Variants in OBSL1 observed in about 807,000 individuals in gnomAD.
OBSL1 encodes obscurin-like protein 1.
In OBSL1, 160 loss-of-function variants were observed where a neutral mutation model predicts 172.0. The ratio of observed to expected loss-of-function variants is 0.93; its 90% confidence interval spans 0.82 to 1.06. The LOEUF (loss-of-function observed/expected upper bound fraction) is 1.06, where lower values mean the gene tolerates loss of function less well. OBSL1 is among the 50% of genes least tolerant of loss of function. The pLI, the probability that OBSL1 is intolerant of heterozygous loss-of-function variation, is 0.00. For missense variants in OBSL1, 2,681 were observed against 2,715.4 expected (o/e 0.99, Z 0.28); for synonymous variants, 1,200 against 1,196.3 (o/e 1.00, Z -0.06).
chr2:219,556,114 G>A lies in OBSL1; in HGVS notation c.4515C>T (p.His1505=). The stretch of plus-strand genomic sequence containing the variant: ...GTATGACACCATGGATGAAGAGGCG[G>A]TGGATGTGCCCATCCTGGGCCATGG... ...RLSMAQDGHI[H]RLFIHGVILA... is the part of the protein sequence containing the mutation. The change falls in exon 14 of 21, where the codon CAC becomes CAT. Residue 1505 remains histidine (H), a synonymous_variant. Transcript: ENST00000404537. 1 of 1,613,944 alleles carries A rather than the reference G, an allele frequency of 6.2e-7. No homozygotes were observed. The highest frequency in any genetic ancestry group is 8.5e-7 in the Non-Finnish European group (1 of 1,179,898).
intron 5 of OBSL1, among the ~76,000 whole-genome samples, chr2:219,566,501 A>G (rs1044789874): frequency 2.6e-5 from 4 of 152,260 alleles, no homozygotes; most frequent in African/African-American, 9.6e-5. Context: ...ATTAGACAAC[A>G]TGGCAGGAGG....
At chr2:219,554,100 C>A in intron 15 of OBSL1, 1 of 395,072 alleles carries the variant, frequency 2.5e-6, no homozygotes, top group South Asian at 3.5e-5. Context: ...GGAGTGGTCA[C>A]GGGGCCCACA....
rs1695972810 is a variant in OBSL1 at position 219,556,043 on chromosome 2, G to A, written c.4586C>T (p.Thr1529Ile). Residue 1529 changes from threonine to isoleucine, a missense_variant, in exon 14 of 21, where the codon ACC (threonine) becomes ATC (isoleucine). Thr to Ile is a moderately conservative substitution (Grantham distance 89, BLOSUM62 -1). Coordinates refer to ENST00000404537, the MANE Select transcript of OBSL1 (RefSeq NM_015311.3). ...TYGCESHHDR[T>I]LARLSVRPRQ... ...ACGCCTCACGCTGAGCCTGGCCAGG[G>A]TGCGATCGTGGTGGCTCTCGCAGCC... is the stretch of plus-strand genomic sequence containing the variant. 6.2e-7 allele frequency: 1 copy of A among 1,613,658 alleles called. No individual in the cohort carries two copies. Among genetic ancestry groups the A allele is most frequent in the East Asian group, 2.2e-5 (1 of 44,868 alleles).
rs759142046 is a variant in OBSL1, at chr2:219,557,993, C to T, written c.3620G>A (p.Ser1207Asn). The T allele has an allele frequency of 6.2e-7, 1 of 1,611,718 alleles. No homozygotes were observed. Among genetic ancestry groups the T allele is most frequent in the Non-Finnish European group, 8.5e-7 (1 of 1,179,388 alleles). ...LSRAGAPVVW[S>N]HNGRPVQEGE... ...CTCCTGCACGGGCCTCCCATTGTGG[C>T]TCCAGACCACGGGGGCGCCAGCCCG... Residue 1207 changes from serine to asparagine, a missense_variant, in exon 11 of 21, where the codon AGC becomes AAC. Physicochemically the swap from Ser to Asn is conservative, Grantham distance 46. Transcript: ENST00000404537.
intron 14 of OBSL1, 130 bp from the exon 15 acceptor site, chr2:219,554,870 G>A (rs148184012): frequency 1.0e-5 from 11 of 1,053,178 alleles, no homozygotes; most frequent in East Asian, 5.2e-5. Flanking sequence ...AAAAAAGTTC[G>A]GAACCAGGGT....
rs774765392 is a variant in OBSL1, at chr2:219,556,418, G to A, written c.4336+36C>T. 4.3e-6 allele frequency: 7 copies of A among 1,609,358 alleles called. No individual in the cohort carries two copies. The South Asian group carries it at 4.4e-5, about 10-fold the overall frequency. ...GAATCCTGGTTGGGAGTACAGGCAC[G>A]GGACACAGAGTATCTCATCCTCATC... On this transcript the variant is annotated intron_variant, in intron 13 of 20. Coordinates refer to ENST00000404537, the MANE Select transcript of OBSL1 (RefSeq NM_015311.3).
chr2:219,551,355 A>G, intron 20 of OBSL1, 174 bp downstream of exon 20: 1 of 1,399,734 alleles, frequency 7.1e-7, no homozygotes, highest in East Asian at 2.5e-5. Flanking sequence ...AAGCAGTTCC[A>G]GGGCTTTCCA....
chr2:219,552,926 C>A lies in OBSL1; in HGVS notation c.5088G>T (p.Gly1696=). 1 of 1,537,712 alleles carries A rather than the reference C, an allele frequency of 6.5e-7. No homozygotes were observed. Among genetic ancestry groups the A allele is most frequent in the South Asian group, 1.2e-5 (1 of 83,724 alleles). ...CCGTCCCCACCGCGCAGCTGTAGGT[C>A]CCGGCGTCCGAGGGGCCGCAGCGTC... The part of the protein sequence containing the change: ...QLRRCGPSDA[G]TYSCAVGTAR... The change falls in exon 17 of 21, where the codon GGG becomes GGT. Residue 1696 remains glycine (G), a synonymous_variant. Transcript: ENST00000404537.
chr2:219,553,114 C>G, intron 16 of OBSL1, 90 bp from the exon 17 acceptor site: 1 of 1,395,046 alleles, frequency 7.2e-7, no homozygotes, highest in Non-Finnish European at 9.3e-7. Context: ...TTGTTGATGC[C>G]AAGCGGTCTC....
rs1270723700 is a variant in OBSL1 at position 219,558,199 on chromosome 2, T to C, written c.3487A>G (p.Asn1163Asp). 1 of 1,608,336 alleles carries C rather than the reference T, an allele frequency of 6.2e-7. No homozygotes were observed. The highest frequency in any genetic ancestry group is 1.7e-5 in the Admixed American group (1 of 59,720). The change falls in exon 10 of 21, where the codon AAT (asparagine) becomes GAT (aspartate). Residue 1163 changes from asparagine to aspartate, a missense_variant. Coordinates refer to ENST00000404537, the MANE Select transcript of OBSL1 (RefSeq NM_015311.3). ...CETRHEAITF[N>D]VILAEPPVQF... ...GAGCACCCACCAGCCAGGATGACAT[T>C]GAAGGTGATGGCCTCATGCCGGGTC...
chr2:219,550,006 A>G, downstream of OBSL1: 1 of 1,094,642 alleles, frequency 9.1e-7, no homozygotes, highest in Non-Finnish European at 1.3e-6. Flanking sequence ...GTCTCAGGCG[A>G]GTCTTGGCCT....
chr2:219,549,629 A>T, downstream of OBSL1: 1 of 1,572,810 alleles, frequency 6.4e-7, no homozygotes, highest in South Asian at 1.2e-5. Context: ...AGTCTATAGA[A>T]GTGTCAGGCT....
downstream of OBSL1, chr2:219,549,123 G>A (rs779258885): frequency 8.7e-6 from 14 of 1,613,020 alleles, no homozygotes; most frequent in Non-Finnish European, 5.1e-6. Flanking sequence ...ACCGTCCTCT[G>A]AGCTCCTTCT....
chr2:219,557,258 G>T, intron 12 of OBSL1, 85 bp downstream of exon 12: 1 of 1,321,988 alleles, frequency 7.6e-7, no homozygotes, highest in Non-Finnish European at 1.0e-6. Context: ...AGCAAAGCGG[G>T]GGTGGAGGAG....
rs1183168111 is a variant in OBSL1 at position 219,559,248 on chromosome 2, G to A, written c.3203C>T (p.Ala1068Val). 1.2e-6 allele frequency: 2 copies of A among 1,609,008 alleles called. No individual in the cohort carries two copies. The highest frequency in any genetic ancestry group is 2.7e-5 in the African/African-American group (2 of 74,860). ...ACCTGTGACAGTGACAGTGAAGAAG[G>A]CCGAGTCATCTCCAGCATCACATAC... ...EFVCDAGDDSAFFTVTVTAPP... is the reference protein window; with the variant it reads ...EFVCDAGDDSVFFTVTVTAPP... The change falls in exon 9 of 21, where the codon GCC becomes GTC. Residue 1068 changes from alanine to valine, a missense_variant. Around this residue, in one of 5 missense-constraint regions of OBSL1, gnomAD observed 1,765 missense variants for 1,748.3 expected, o/e 1.01. Coordinates refer to ENST00000404537, the MANE Select transcript of OBSL1 (RefSeq NM_015311.3).
At chr2:219,556,802 C>T in intron 12 of OBSL1, 79 bp from the exon 13 acceptor site, 1 of 1,416,924 alleles carries the variant, frequency 7.1e-7, no homozygotes, top group Non-Finnish European at 9.5e-7. Context: ...AGGATGCAGG[C>T]CCTCGTCCCC....
At position 219,553,568 on chromosome 2, in the gene OBSL1, T is replaced by A. The variant is rs759524921; in HGVS notation, c.4989+6A>T. The A allele has an allele frequency of 1.2e-6, 2 of 1,607,954 alleles. No individual in the cohort carries two copies. Among genetic ancestry groups the A allele is most frequent in the South Asian group, 2.2e-5 (2 of 90,696 alleles). ...GAAGTGGGCTTGGCTGGGGCTGGGA[T>A]CTGACCTTCTCCCAGGTAACATCAG... On this transcript the variant is annotated splice_donor_region_variant and intron_variant, in intron 16 of 20. Transcript: ENST00000404537.
At chr2:219,552,811 G>A (rs1695732554) in intron 17 of OBSL1, 57 bp downstream of exon 17, 1 of 1,532,882 alleles carries the variant, frequency 6.5e-7, no homozygotes, top group Non-Finnish European at 8.8e-7. Flanking sequence ...GGGGAAGACA[G>A]CTCCGCAAGT....
At chr2:219,563,238 C>T in intron 7 of OBSL1, 117 bp downstream of exon 7, 1 of 1,084,450 alleles carries the variant, frequency 9.2e-7, no homozygotes, top group Non-Finnish European at 1.3e-6. Context: ...GTCCGATCTG[C>T]CAGGGGGAGG....
Sources: allele counts gnomAD v4.1 joint callset (sites outside exome capture counted in the v4.1 genomes callset), GRCh38; gene constraint gnomAD v4.1.1; regional missense constraint gnomAD v4.1.1; transcripts MANE v1.5; gene names NCBI Gene and HGNC (gene_info 2026-07-23, HGNC 2026-07-21).